Variants in SLC4A4 observed in about 807,000 individuals in gnomAD.
SLC4A4 encodes the protein solute carrier family 4 member 4.
A neutral mutation model predicts 111.5 loss-of-function variants in SLC4A4; 27 were observed. That is an observed-to-expected ratio of 0.24 (90% CI 0.18 to 0.33). The LOEUF (loss-of-function observed/expected upper bound fraction) is 0.33. Ranked by LOEUF, SLC4A4 falls within the 10% of genes least tolerant of loss-of-function variation. SLC4A4 has a pLI of 1.00. For synonymous variants in SLC4A4, 443 were observed against 463.4 expected (o/e 0.96, Z 0.57); for missense variants, 909 against 1,315.5 (o/e 0.69, Z 4.78).
At chr4:71,375,622 A>G (rs1711598986) in intron 6 of SLC4A4, among the ~76,000 whole-genome samples, 1 of 152,192 alleles carries the variant, frequency 6.6e-6, no homozygotes, top group Non-Finnish European at 1.5e-5. Context: ...ACTATAATGT[A>G]TGAGTACATG....
At chr4:71,129,193 G>GA (rs1743633911) in intron 2 of SLC4A4, among the ~76,000 whole-genome samples, 1 of 152,130 alleles carries the variant, frequency 6.6e-6, no homozygotes. Context: ...CAGAATGGGA[G>GA]AAAATATTTG....
intron 12 of SLC4A4, among the ~76,000 whole-genome samples, chr4:71,455,150 G>A (rs1340700431): frequency 6.6e-6 from 1 of 152,148 alleles, no homozygotes; most frequent in Non-Finnish European, 1.5e-5. Flanking sequence ...TCAAAGAGAG[G>A]CTGAAAATTC....
At chr4:71,384,122 A>T (rs77320295) in intron 6 of SLC4A4, among the ~76,000 whole-genome samples, 3,223 of 152,282 alleles carry the variant, frequency 0.021, 118 homozygotes, top group East Asian at 0.14. Context: ...TCTGAACAGA[A>T]TTTTCCAGAG....
chr4:71,187,996 T>C (rs933863499), intron 1 of SLC4A4, among the ~76,000 whole-genome samples: 1 of 152,242 alleles, frequency 6.6e-6, no homozygotes, highest in Non-Finnish European at 1.5e-5. Context: ...TGGATTTGGC[T>C]AGGGGAGGCA....
intron 15 of SLC4A4, among the ~76,000 whole-genome samples, chr4:71,494,036 C>T (rs1446958009): frequency 6.6e-6 from 1 of 151,876 alleles, no homozygotes; most frequent in Non-Finnish European, 1.5e-5. Context: ...TTTTCCTGCA[C>T]ATTTTTCCCT....
intron 2 of SLC4A4, among the ~76,000 whole-genome samples, chr4:71,141,141 A>G (rs539061413): frequency 6.6e-6 from 1 of 152,262 alleles, no homozygotes; most frequent in South Asian, 2.1e-4. Context: ...GAGATTTTGT[A>G]CCCTTTGATT....
At chr4:71,323,479 T>C (rs1727274499) in intron 3 of SLC4A4, among the ~76,000 whole-genome samples, 1 of 152,016 alleles carries the variant, frequency 6.6e-6, no homozygotes. Context: ...AACAAAAGGC[T>C]ACAAGAAGCT....
chr4:71,115,365 G>A (rs935318349), intron 2 of SLC4A4, among the ~76,000 whole-genome samples: 16 of 151,698 alleles, frequency 1.1e-4, no homozygotes, highest in African/African-American at 3.6e-4. Context: ...AAATAAAAAA[G>A]AAGGAAACAC....
At chr4:71,307,684 G>C (rs1725803767) in intron 3 of SLC4A4, among the ~76,000 whole-genome samples, 1 of 152,194 alleles carries the variant, frequency 6.6e-6, no homozygotes, top group Non-Finnish European at 1.5e-5. Context: ...AATCTTTTCA[G>C]ATGTTGTCTG....
chr4:71,077,089 T>C (rs912803272), intron 1 of SLC4A4, among the ~76,000 whole-genome samples: 38 of 148,338 alleles, frequency 2.6e-4, no homozygotes, highest in African/African-American at 8.1e-4. Context: ...TAAATATATA[T>C]ATATAAAATA....
At chr4:71,412,255 A>G (rs1721421838) in intron 7 of SLC4A4, among the ~76,000 whole-genome samples, 1 of 152,226 alleles carries the variant, frequency 6.6e-6, no homozygotes, top group Non-Finnish European at 1.5e-5. Context: ...TAGACTCTTC[A>G]AAGGTGTCCA....
At chr4:71,517,850 T>C (rs908903391) in intron 16 of SLC4A4, among the ~76,000 whole-genome samples, 11 of 151,686 alleles carry the variant, frequency 7.3e-5, no homozygotes, top group African/African-American at 2.4e-4. Context: ...ACTTCCCAGT[T>C]AGGCTGACCT....
intron 3 of SLC4A4, among the ~76,000 whole-genome samples, chr4:71,288,511 G>T (rs1724090179): frequency 1.3e-5 from 2 of 151,928 alleles, no homozygotes; most frequent in South Asian, 4.2e-4. Flanking sequence ...CGATTCTCCT[G>T]CCTCAGCCTC....
intron 7 of SLC4A4, among the ~76,000 whole-genome samples, chr4:71,438,635 G>A (rs1183885373): frequency 1.3e-5 from 2 of 152,114 alleles, no homozygotes; most frequent in African/African-American, 4.8e-5. Flanking sequence ...ATGGATAAAT[G>A]CAATCATTCG....
At chr4:71,478,344 A>G (rs936738941) in intron 14 of SLC4A4, among the ~76,000 whole-genome samples, 12 of 152,000 alleles carry the variant, frequency 7.9e-5, no homozygotes, top group African/African-American at 2.9e-4. Context: ...AATAGCAAAG[A>G]CTTGGAACCA....
At chr4:71,206,682 G>A (rs1450849912) in intron 1 of SLC4A4, among the ~76,000 whole-genome samples, 5 of 152,036 alleles carry the variant, frequency 3.3e-5, no homozygotes, top group African/African-American at 7.2e-5. Flanking sequence ...TGTTAACTCC[G>A]AATTATAACT....
At chr4:71,407,936 C>A (rs1386670693) in intron 7 of SLC4A4, among the ~76,000 whole-genome samples, 2 of 152,120 alleles carry the variant, frequency 1.3e-5, no homozygotes, top group Non-Finnish European at 2.9e-5. Flanking sequence ...CTTTGACTTT[C>A]AGGCTGTTAA....
At chr4:71,536,485 T>TATATATATATATATATATATA (rs760037325) in intron 18 of SLC4A4, among the ~76,000 whole-genome samples, 1 of 84,032 alleles carries the variant, frequency 1.2e-5, no homozygotes, top group African/African-American at 5.0e-5. Flanking sequence ...TATATATATA[T>TATATATATATATATATATATA]ATGTATATAT....
intron 1 of SLC4A4, among the ~76,000 whole-genome samples, chr4:71,188,089 G>T (rs2148992487): frequency 6.6e-6 from 1 of 152,318 alleles, no homozygotes; most frequent in South Asian, 2.1e-4. Flanking sequence ...TTGGCAAAGA[G>T]AGGTGATTTC....
Sources: allele counts gnomAD v4.1 joint callset (sites outside exome capture counted in the v4.1 genomes callset), GRCh38; gene constraint gnomAD v4.1.1; transcripts MANE v1.5; gene names NCBI Gene and HGNC (gene_info 2026-07-23, HGNC 2026-07-21).